The following RIPK4 variants were observed in gnomAD, a reference collection of about 807,000 sequenced individuals.
RIPK4 encodes receptor-interacting serine/threonine-protein kinase 4.
RIPK4 carries 17 observed loss-of-function variants against 42.9 expected under a neutral mutation model. The observed-to-expected ratio is 0.40, with a 90% CI of 0.27 to 0.59. RIPK4 has a LOEUF of 0.59. Ranked by LOEUF, RIPK4 falls within the 20% of genes least tolerant of loss-of-function variation. RIPK4 has a pLI of 0.47. For synonymous variants in RIPK4, 498 were observed against 499.1 expected, an observed-to-expected ratio of 1.00 and a Z score of 0.03; for missense variants, 897 against 1,104.4, an observed-to-expected ratio of 0.81 and a Z score of 2.66.
chr21:41,749,219 G>A lies in RIPK4; in HGVS notation c.624-16C>T. The stretch of plus-strand genomic sequence containing the variant: ...GATCGCAAAGCTGGAAGAGAAACCA[G>A]GCACGTTAGCATCTGACAGCCAGAG... On this transcript the variant is annotated splice_polypyrimidine_tract_variant and intron_variant, in intron 3 of 7. Coordinates refer to ENST00000332512, the MANE Select transcript of RIPK4 (RefSeq NM_020639.3). 1 of 1,613,614 alleles carries A rather than the reference G, an allele frequency of 6.2e-7. No individual in the cohort carries two copies. Among genetic ancestry groups the A allele is most frequent in the East Asian group, 2.2e-5 (1 of 44,876 alleles).
In RIPK4 at chr21:41,740,914, T is replaced by C; in HGVS notation, c.2279A>G (p.His760Arg). 1 of 1,612,592 alleles carries C rather than the reference T, an allele frequency of 6.2e-7. No homozygotes were observed. The highest frequency in any genetic ancestry group is 2.2e-5 in the East Asian group (1 of 44,866). Residue 760 changes from histidine (H) to arginine (R), a missense_variant, in exon 8 of 8, where the codon CAC becomes CGC. His to Arg is a conservative substitution (Grantham distance 29). Transcript: ENST00000332512. ...GAACTTGAGGCTCTGCAGGTTGATG[T>C]GGGCCCCATGCCTGAGCAGAGTCTC... ...TVETLLRHGA[H>R]INLQSLKFQG...
intron 4 of RIPK4, among the ~76,000 whole-genome samples, chr21:41,747,636 T>C (rs1313719580): frequency 6.6e-6 from 1 of 152,216 alleles, no homozygotes; most frequent in Non-Finnish European, 1.5e-5. Context: ...AATGTTTTGC[T>C]CCACTTTCCC....
Position 41,766,923 on chromosome 21 carries a change from C to T in RIPK4, c.119G>A (p.Arg40His). 1.2e-6 allele frequency: 2 copies of T among 1,610,690 alleles called. No homozygotes were observed. Among genetic ancestry groups the T allele is most frequent in the Non-Finnish European group, 1.7e-6 (2 of 1,178,880 alleles). Residue 40 changes from arginine to histidine, a missense_variant, in exon 1 of 8, where the codon CGC becomes CAC. Transcript: ENST00000332512. ...SGGFGQVYKV[R>H]HVHWKTWLAI... ...CAGCCAGGTCTTCCAGTGGACATGG[C>T]GCACCTTGTACACCTGCCCGAAGCC...
intron 4 of RIPK4, among the ~76,000 whole-genome samples, chr21:41,748,188 A>G (rs917944415): frequency 4.6e-5 from 7 of 152,232 alleles, no homozygotes; most frequent in African/African-American, 9.7e-5. Context: ...TTCTACTGAC[A>G]TTCTTTTAAA....
In RIPK4 at chr21:41,755,786, C is replaced by T. The variant is rs1225735695; in HGVS notation, c.474+739G>A. Among the ~76,000 whole-genome samples, 2 of 152,200 alleles carry T rather than the reference C, an allele frequency of 1.3e-5. No homozygotes were observed. The highest frequency in any genetic ancestry group is 1.9e-4 in the East Asian group (1 of 5,200). On this transcript the variant is annotated intron_variant, in intron 2 of 7. Transcript: ENST00000332512. The surrounding 1 kb of genome is among the most constrained non-coding windows in gnomAD (Gnocchi z 4.2). ...GCCAGGTGTAACCACCACATGTCAA[C>T]GACAGTACAACCCTAGCCACGAAGG... is the stretch of plus-strand genomic sequence containing the variant.
intron 2 of RIPK4, among the ~76,000 whole-genome samples, chr21:41,753,663 G>A (rs2061195021): frequency 6.6e-6 from 1 of 152,132 alleles, no homozygotes; most frequent in Non-Finnish European, 1.5e-5. Flanking sequence ...ATCAGCACCC[G>A]ACTCTGCATC....
intron 4 of RIPK4, among the ~76,000 whole-genome samples, chr21:41,748,494 A>C (rs1422485480): frequency 6.6e-6 from 1 of 152,230 alleles, no homozygotes; most frequent in African/African-American, 2.4e-5. Context: ...TGGCTGGGGA[A>C]GCAAACACCA....
At chr21:41,749,109 C>T in intron 4 of RIPK4, 45 bp downstream of exon 4, 2 of 1,602,820 alleles carry the variant, frequency 1.2e-6, no homozygotes, top group Non-Finnish European at 1.7e-6. Flanking sequence ...CCCCATTATT[C>T]CAGGAAAGAC....
intron 2 of RIPK4, among the ~76,000 whole-genome samples, chr21:41,752,398 G>C (rs767798605): frequency 6.6e-6 from 1 of 152,014 alleles, no homozygotes; most frequent in Non-Finnish European, 1.5e-5. Flanking sequence ...CCTGTGACTC[G>C]GGCTTCCAGG....
intron 1 of RIPK4, among the ~76,000 whole-genome samples, chr21:41,764,898 G>A (rs1035592558): frequency 1.3e-5 from 2 of 152,238 alleles, no homozygotes; most frequent in African/African-American, 2.4e-5. Flanking sequence ...CCTGCTAGGC[G>A]ATGCTGACCT....
chr21:41,743,971 T>C lies in RIPK4; in HGVS notation c.1106A>G (p.Lys369Arg), dbSNP rs377595424. The change falls in exon 7 of 8, where the codon AAG becomes AGG. Residue 369 changes from lysine to arginine, a missense_variant. Transcript: ENST00000332512. ...ESKLPSSGSG[K>R]RLSGVSSVDS... is the part of the protein sequence containing the mutation. ...CACCGAGGACACCCCCGAGAGCCTC[T>C]TCCCACTGCCGGACGATGGCAGCTT... 1.2e-5 allele frequency: 20 copies of C among 1,613,314 alleles called. No individual in the cohort carries two copies. The highest frequency in any genetic ancestry group is 1.7e-5 in the Non-Finnish European group (20 of 1,179,994).
intron 2 of RIPK4, among the ~76,000 whole-genome samples, chr21:41,752,506 C>T (rs2061191479): frequency 6.6e-6 from 1 of 152,178 alleles, no homozygotes; most frequent in Admixed American, 6.5e-5. Context: ...AAGGCCTCGA[C>T]TCCAGCGGCT....
At chr21:41,753,125 T>C (rs2061193344) in intron 2 of RIPK4, among the ~76,000 whole-genome samples, 1 of 152,210 alleles carries the variant, frequency 6.6e-6, no homozygotes, top group Non-Finnish European at 1.5e-5. Context: ...GACTCACTGT[T>C]CTAATCTTGC....
chr21:41,749,017 C>T, intron 4 of RIPK4, 137 bp downstream of exon 4: 1 of 862,956 alleles, frequency 1.2e-6, no homozygotes, highest in South Asian at 1.5e-5. Context: ...TTCCTGCATG[C>T]AAATTACACC....
chr21:41,745,932 G>A lies in RIPK4; in HGVS notation c.833-70C>T, dbSNP rs528004611. Reference sequence around the variant, plus strand: ...GCGTACACACGCGTTCCATATAAACGCAGGGCCCCCACGAGCTGGGGGATT... The same window carrying A: ...GCGTACACACGCGTTCCATATAAACACAGGGCCCCCACGAGCTGGGGGATT... On this transcript the variant is annotated intron_variant, in intron 5 of 7. Coordinates refer to ENST00000332512, the MANE Select transcript of RIPK4 (RefSeq NM_020639.3). 1.1e-4 allele frequency: 139 copies of A among 1,234,428 alleles called. 1 individual carries two copies. In the East Asian group the frequency reaches 1.9e-3, roughly 17 times the overall value. The allele number at this position is 1,234,428 out of a possible 1,614,324, so 76.5% of individuals were successfully genotyped here. A position where few individuals can be genotyped will look rare whatever the true frequency, so the allele number is the denominator to read the frequency against.
At position 41,756,722 on chromosome 21, in the gene RIPK4, C is replaced by T. The variant is rs372343704; in HGVS notation, c.277G>A (p.Gly93Ser). 8.1e-5 allele frequency: 130 copies of T among 1,614,090 alleles called. No homozygotes were observed. The highest frequency in any genetic ancestry group is 1.1e-4 in the Non-Finnish European group (126 of 1,180,042). Reference protein sequence around the residue: ...PVYGICREPVGLVMEYMETGS... With the variant: ...PVYGICREPVSLVMEYMETGS... Reference sequence around the variant, plus strand: ...GTCTCCATGTACTCCATGACCAGGCCGACAGGTTCGCGGCAGATGCCATAC... The same window carrying T: ...GTCTCCATGTACTCCATGACCAGGCTGACAGGTTCGCGGCAGATGCCATAC... The change falls in exon 2 of 8, where the codon GGC (glycine) becomes AGC (serine). Residue 93 changes from glycine to serine, a missense_variant. Coordinates refer to ENST00000332512, the MANE Select transcript of RIPK4 (RefSeq NM_020639.3).
chr21:41,747,767 A>C (rs766219867), intron 4 of RIPK4, among the ~76,000 whole-genome samples: 3 of 152,208 alleles, frequency 2.0e-5, no homozygotes, highest in Non-Finnish European at 4.4e-5. Flanking sequence ...AACGCCCGGA[A>C]TGTTTCCTGC....
At position 41,740,677 on chromosome 21, in the gene RIPK4, C is replaced by T. The variant is rs536240693; in HGVS notation, c.*161G>A. 191 of 706,736 alleles carry T rather than the reference C, an allele frequency of 2.7e-4. No homozygotes were observed. Among genetic ancestry groups the T allele is most frequent in the African/African-American group, 2.5e-4 (14 of 55,718 alleles). The allele number at this position is 706,736 out of a possible 1,614,324, so 43.8% of individuals were successfully genotyped here. A position where few individuals can be genotyped will look rare whatever the true frequency, so the allele number is the denominator to read the frequency against. On this transcript the variant is annotated 3_prime_UTR_variant, in exon 8 of 8. Transcript: ENST00000332512. ...CCAGCTTCACCTGGAGGGGACACTC[C>T]GGTCAGCAGCAGCCGCCTCCTGATG...
intron 5 of RIPK4, chr21:41,746,279 G>A (rs907584142): frequency 2.9e-5 from 17 of 579,452 alleles, no homozygotes; most frequent in African/African-American, 1.9e-4. Context: ...GGGCGACGCC[G>A]CCGGCCACCG....
Sources: allele counts gnomAD v4.1 joint callset (sites outside exome capture counted in the v4.1 genomes callset), GRCh38; gene constraint gnomAD v4.1.1; non-coding constraint Gnocchi (gnomAD v3.1); transcripts MANE v1.5; gene names NCBI Gene and HGNC (gene_info 2026-07-23, HGNC 2026-07-21).